The following TTC27 variants were observed in gnomAD, a reference collection of about 807,000 sequenced individuals.
The protein encoded by TTC27 is tetratricopeptide repeat protein 27.
A neutral mutation model predicts 115.9 loss-of-function variants in TTC27; 79 were observed. The observed-to-expected ratio is 0.68, with a 90% confidence interval of 0.57 to 0.82. The LOEUF (loss-of-function observed/expected upper bound fraction) is 0.82. Among genes scored for constraint, TTC27 ranks in the 40% least tolerant of loss-of-function variants. The probability of loss-of-function intolerance (pLI) is 0.00; values close to 1 mark genes in which losing one functional copy is unlikely to be tolerated. For synonymous variants in TTC27, 401 were observed against 356.0 expected (o/e 1.13, Z -1.42); for missense variants, 1,054 against 993.1 (o/e 1.06, Z -0.82).
At chr2:32,726,841 G>T (rs79012573) in intron 10 of TTC27, among the ~76,000 whole-genome samples, 2 of 152,160 alleles carry the variant, frequency 1.3e-5, no homozygotes, top group Non-Finnish European at 2.9e-5. Context: ...ACAGTTTCAC[G>T]TGGCTGGGGA....
chr2:32,763,071 T>G (rs1214405862), intron 13 of TTC27, among the ~76,000 whole-genome samples: 1 of 152,226 alleles, frequency 6.6e-6, no homozygotes, highest in Non-Finnish European at 1.5e-5. Context: ...TTAGAATTAA[T>G]TATTTACGTA....
At chr2:32,682,206 T>A (rs1666455608) in intron 9 of TTC27, among the ~76,000 whole-genome samples, 1 of 152,170 alleles carries the variant, frequency 6.6e-6, no homozygotes, top group Non-Finnish European at 1.5e-5. Context: ...ATAGGGTTGA[T>A]GTCTATTCAA....
chr2:32,648,252 C>T (rs1444378597), intron 4 of TTC27, among the ~76,000 whole-genome samples: 6 of 152,144 alleles, frequency 3.9e-5, no homozygotes, highest in South Asian at 2.1e-4. Flanking sequence ...TTCAACCTCC[C>T]GAGTAGCTGG....
chr2:32,673,892 G>A (rs1316510216), intron 8 of TTC27, among the ~76,000 whole-genome samples: 1 of 152,052 alleles, frequency 6.6e-6, no homozygotes, highest in African/African-American at 2.4e-5. Context: ...CTACTTGGAA[G>A]CCTGAGACAG....
At position 32,690,395 on chromosome 2, in the gene TTC27, A is replaced by C. The variant is rs185866423; in HGVS notation, c.1119+11473A>C. Among the ~76,000 whole-genome samples the C allele has an allele frequency of 3.3e-5, 5 of 152,336 alleles. No homozygotes were observed. The East Asian group carries it at 7.7e-4, about 23-fold the overall frequency. Reference sequence around the variant, plus strand: ...GGGACTTGCCTTCATGGAATTTTTAATTTAGCCCAGGTCAGAGAAATTTAT... The same window carrying C: ...GGGACTTGCCTTCATGGAATTTTTACTTTAGCCCAGGTCAGAGAAATTTAT... On this transcript the variant is annotated intron_variant, in intron 9 of 19. Coordinates refer to ENST00000317907, the MANE Select transcript of TTC27 (RefSeq NM_017735.5).
At chr2:32,711,116 CAAAAAAAAAAA>C (rs34140897) in intron 10 of TTC27, among the ~76,000 whole-genome samples, 3 of 59,936 alleles carry the variant, frequency 5.0e-5, no homozygotes, top group Non-Finnish European at 6.5e-5. Context: ...GACTCTGTCT[CAAAAAAAAAAA>C]AAAAAAAAAA....
At chr2:32,741,510 G>A (rs1397245294) in intron 12 of TTC27, among the ~76,000 whole-genome samples, 1 of 151,958 alleles carries the variant, frequency 6.6e-6, no homozygotes, top group Non-Finnish European at 1.5e-5. Flanking sequence ...AAATTAACCG[G>A]ACGTGGTGGC....
intron 5 of TTC27, among the ~76,000 whole-genome samples, chr2:32,651,882 T>A (rs896991951): frequency 2.0e-5 from 3 of 152,190 alleles, no homozygotes; most frequent in African/African-American, 4.8e-5. Context: ...AATAATTGAT[T>A]CATTTATGTT....
chr2:32,807,579 T>G (rs971373520), intron 16 of TTC27, among the ~76,000 whole-genome samples: 72 of 152,362 alleles, frequency 4.7e-4, no homozygotes, highest in African/African-American at 1.6e-3. Context: ...ATACACTAAA[T>G]GCCTATGCAA....
At chr2:32,703,660 T>C (rs1667267428) in intron 10 of TTC27, among the ~76,000 whole-genome samples, 1 of 152,222 alleles carries the variant, frequency 6.6e-6, no homozygotes, top group Admixed American at 6.5e-5. Flanking sequence ...GGTACCGTTC[T>C]TCATTTAATG....
intron 5 of TTC27, among the ~76,000 whole-genome samples, chr2:32,664,022 C>A (rs535210414): frequency 1.3e-5 from 2 of 152,054 alleles, no homozygotes; most frequent in South Asian, 4.1e-4. Flanking sequence ...AAGACAAACC[C>A]GCTGAGAAAG....
intron 5 of TTC27, among the ~76,000 whole-genome samples, chr2:32,658,499 A>G (rs1294800702): frequency 6.6e-6 from 1 of 152,242 alleles, no homozygotes; most frequent in Non-Finnish European, 1.5e-5. Context: ...CAACATGTAA[A>G]ATACCCATTC....
intron 16 of TTC27, among the ~76,000 whole-genome samples, chr2:32,806,105 T>G (rs562578312): frequency 6.6e-6 from 1 of 152,232 alleles, no homozygotes; most frequent in African/African-American, 2.4e-5. Flanking sequence ...ATCTTAAACT[T>G]CAATTTTCTA....
At chr2:32,668,801 T>G (rs2151882267) in intron 7 of TTC27, among the ~76,000 whole-genome samples, 1 of 151,396 alleles carries the variant, frequency 6.6e-6, no homozygotes, top group South Asian at 2.1e-4. Flanking sequence ...AAATTTTGGC[T>G]GGGCGTGGTG....
At chr2:32,663,453 G>A (rs1665629891) in intron 5 of TTC27, among the ~76,000 whole-genome samples, 1 of 152,118 alleles carries the variant, frequency 6.6e-6, no homozygotes, top group African/African-American at 2.4e-5. Context: ...TGCTTCCCGG[G>A]TGATCGCCTC....
At chr2:32,769,705 G>A (rs1012224603) in intron 13 of TTC27, among the ~76,000 whole-genome samples, 5 of 152,032 alleles carry the variant, frequency 3.3e-5, no homozygotes, top group Non-Finnish European at 7.4e-5. Flanking sequence ...AAATGAGACT[G>A]GAAAATGAGA....
chr2:32,811,210 G>A lies in TTC27; in HGVS notation c.2185G>A (p.Glu729Lys). The A allele has an allele frequency of 1.2e-6, 2 of 1,613,498 alleles. No individual in the cohort carries two copies. Among genetic ancestry groups the A allele is most frequent in the Non-Finnish European group, 8.5e-7 (1 of 1,179,642 alleles). The change falls in exon 17 of 20, where the codon GAA (glutamate) becomes AAA (lysine). Residue 729 changes from glutamate (E) to lysine (K), a missense_variant. Physicochemically the swap from Glu to Lys is moderately conservative, Grantham distance 56 (BLOSUM62 1). Coordinates refer to ENST00000317907, the MANE Select transcript of TTC27 (RefSeq NM_017735.5). ...AAATGGGCAGAGTGAAAAGCCTGATGAAAATGAAAAGGCAAGTCCTTCATT... is the reference window on the plus strand; with the variant it reads ...AAATGGGCAGAGTGAAAAGCCTGATAAAAATGAAAAGGCAAGTCCTTCATT... ...YGNGQSEKPD[E>K]NEKAFQCLSK...
chr2:32,796,005 G>A (rs1055274464), intron 16 of TTC27, among the ~76,000 whole-genome samples: 2 of 152,034 alleles, frequency 1.3e-5, no homozygotes, highest in African/African-American at 4.8e-5. Context: ...ATCCAAATTG[G>A]TAAGAAATAA....
In TTC27 at chr2:32,813,659, C is replaced by G. The variant is rs148801979; in HGVS notation, c.2308+1044C>G. ...GCTATAGATGATAAGGGACTCAAAA[C>G]TAAAAAAACAAAAATTAAGAACAAG... On this transcript the variant is annotated intron_variant, in intron 18 of 19. Transcript: ENST00000317907. 4.7e-3 allele frequency among the ~76,000 whole-genome samples: 708 copies of G among 152,088 alleles called. 9 individuals are homozygous for G. The highest frequency in any genetic ancestry group is 0.017 in the African/African-American group (688 of 41,492).
Sources: gnomAD v4.1 joint callset for allele counts (sites outside exome capture counted in the v4.1 genomes callset) on GRCh38, gnomAD v4.1.1 for gene constraint, MANE v1.5 for transcripts, NCBI Gene and HGNC (gene_info 2026-07-23, HGNC 2026-07-21) for gene names.